The following ATG10 variants were observed in gnomAD, a reference collection of about 807,000 sequenced individuals.
ATG10 encodes autophagy related 10.
In ATG10, 30 loss-of-function variants were observed where a neutral mutation model predicts 32.1. The observed-to-expected ratio is 0.94, with a 90% CI of 0.70 to 1.27. The LOEUF is 1.27. Ranked by LOEUF, ATG10 falls within the 50% of genes most tolerant of loss-of-function variation. ATG10 has a pLI of 0.00. For synonymous variants in ATG10, 87 were observed against 91.5 expected, an observed-to-expected ratio of 0.95 and a Z score of 0.28; for missense variants, 233 against 262.3, an observed-to-expected ratio of 0.89 and a Z score of 0.77.
At chr5:81,984,245 C>T (rs774187177) in intron 1 of ATG10, among the ~76,000 whole-genome samples, 221 of 152,314 alleles carry the variant, frequency 1.5e-3, no homozygotes, top group Non-Finnish European at 2.4e-3. Context: ...GCCAACACAG[C>T]GAAACCCCGT....
intron 5 of ATG10, among the ~76,000 whole-genome samples, chr5:82,203,438 T>C (rs1745153401): frequency 6.6e-6 from 1 of 152,202 alleles, no homozygotes; most frequent in African/African-American, 2.4e-5. Context: ...TCCAGTCTGC[T>C]ACTATCGTTA....
chr5:82,007,656 A>G (rs1762020929), intron 2 of ATG10, among the ~76,000 whole-genome samples: 1 of 151,970 alleles, frequency 6.6e-6, no homozygotes, highest in African/African-American at 2.4e-5. Context: ...GTCTCACTGT[A>G]TTGCCCATGC....
chr5:81,990,322 T>C (rs2149670825), intron 2 of ATG10, among the ~76,000 whole-genome samples: 1 of 152,184 alleles, frequency 6.6e-6, no homozygotes, highest in East Asian at 1.9e-4. Context: ...TTTTCACCAG[T>C]TTTTTTTCTT....
At chr5:81,985,951 G>A (rs1349739664) in intron 1 of ATG10, among the ~76,000 whole-genome samples, 1 of 152,078 alleles carries the variant, frequency 6.6e-6, no homozygotes. Flanking sequence ...TTTTAGTAGC[G>A]ACGGGGTTTC....
At chr5:82,028,740 T>A (rs2149713343) in intron 2 of ATG10, among the ~76,000 whole-genome samples, 1 of 152,358 alleles carries the variant, frequency 6.6e-6, no homozygotes, top group African/African-American at 2.4e-5. Context: ...GGAACTTTTT[T>A]GGTAGACAGT....
At chr5:82,069,744 T>G (rs995937938) in intron 3 of ATG10, among the ~76,000 whole-genome samples, 2 of 152,188 alleles carry the variant, frequency 1.3e-5, no homozygotes, top group East Asian at 3.8e-4. Context: ...GTTTATTATC[T>G]ATTTTATTAA....
intron 2 of ATG10, 32 bp downstream of exon 2, chr5:81,987,710 A>C: frequency 2.0e-6 from 3 of 1,538,126 alleles, no homozygotes; most frequent in South Asian, 2.4e-5. Flanking sequence ...TTCTGTCTCA[A>C]AAGAGGATTT....
intron 5 of ATG10, among the ~76,000 whole-genome samples, chr5:82,221,038 T>A (rs1745905654): frequency 6.6e-6 from 1 of 152,234 alleles, no homozygotes; most frequent in Non-Finnish European, 1.5e-5. Flanking sequence ...ATGACAGGCA[T>A]GAGCCACTGT....
intron 2 of ATG10, among the ~76,000 whole-genome samples, chr5:82,034,549 C>T (rs1260404917): frequency 2.0e-5 from 3 of 152,278 alleles, no homozygotes; most frequent in East Asian, 1.9e-4. Flanking sequence ...AAAAACCTTC[C>T]GGTGACTTCC....
rs546239476 is a variant in ATG10, at chr5:82,017,155, CT to C, written c.108+29490del. ...AAGCATATTCCTAAGTATTTTATCTCTTTTTTTTTTTTTGCGGCTATTGTAA... is the reference window on the plus strand; with the variant it reads ...AAGCATATTCCTAAGTATTTTATCTCTTTTTTTTTTTTGCGGCTATTGTAA... On this transcript the variant is annotated intron_variant, in intron 2 of 7. Transcript: ENST00000282185. Among the ~76,000 whole-genome samples, 842 of 141,096 alleles carry C rather than the reference CT, an allele frequency of 6.0e-3. 5 individuals are homozygous for C. The highest frequency in any genetic ancestry group is 8.8e-3 in the Non-Finnish European group (562 of 64,186). The allele number at this position is 141,096 out of a possible 152,430, so 92.6% of individuals were successfully genotyped here. A position where few individuals can be genotyped will look rare whatever the true frequency, so the allele number is the denominator to read the frequency against.
intron 2 of ATG10, among the ~76,000 whole-genome samples, chr5:81,990,438 G>A (rs908272001): frequency 7.2e-5 from 11 of 152,158 alleles, no homozygotes; most frequent in Non-Finnish European, 1.6e-4. Flanking sequence ...GGAAGGAGCT[G>A]GGACTGTGTA....
chr5:82,205,292 A>G (rs1373053654), intron 5 of ATG10, among the ~76,000 whole-genome samples: 3 of 152,194 alleles, frequency 2.0e-5, no homozygotes, highest in Non-Finnish European at 2.9e-5. Context: ...GACAGAGAAT[A>G]AATATTTTTT....
At chr5:82,004,364 A>G (rs780060375) in intron 2 of ATG10, among the ~76,000 whole-genome samples, 7 of 152,322 alleles carry the variant, frequency 4.6e-5, no homozygotes, top group Non-Finnish European at 8.8e-5. Flanking sequence ...AACATGAATC[A>G]CAGAGTACCC....
At chr5:82,188,146 T>C (rs1199285126) in intron 5 of ATG10, among the ~76,000 whole-genome samples, 1 of 152,228 alleles carries the variant, frequency 6.6e-6, no homozygotes, top group East Asian at 1.9e-4. Flanking sequence ...TTAAGATATA[T>C]AGCTAAACAG....
chr5:82,217,466 G>A (rs1024645876), intron 5 of ATG10, among the ~76,000 whole-genome samples: 1 of 151,902 alleles, frequency 6.6e-6, no homozygotes, highest in Non-Finnish European at 1.5e-5. Flanking sequence ...TTCTTATAAG[G>A]TATAAATGCA....
intron 1 of ATG10, among the ~76,000 whole-genome samples, chr5:81,986,029 G>T (rs1462954975): frequency 2.0e-5 from 3 of 152,016 alleles, no homozygotes; most frequent in African/African-American, 7.3e-5. Flanking sequence ...TCCCCAAAGT[G>T]CTGGGATTAC....
chr5:82,100,869 T>G (rs145897290), intron 3 of ATG10, among the ~76,000 whole-genome samples: 100 of 147,794 alleles, frequency 6.8e-4, no homozygotes, highest in Middle Eastern at 7.2e-3. Context: ...GCTGTCTTGG[T>G]ATGGGGTAAA....
chr5:81,973,621 T>C (rs1207191767), intron 1 of ATG10, among the ~76,000 whole-genome samples: 1 of 152,236 alleles, frequency 6.6e-6, no homozygotes, highest in Non-Finnish European at 1.5e-5. Flanking sequence ...CTCTATTCTT[T>C]AGTGGCAAAA....
intron 3 of ATG10, among the ~76,000 whole-genome samples, chr5:82,130,348 C>T (rs149143124): frequency 0.011 from 1,687 of 151,928 alleles, 18 homozygotes; most frequent in Middle Eastern, 0.031. Flanking sequence ...TTCAGGGGAG[C>T]GAATGGTTCT....
Sources: gnomAD v4.1 joint callset for allele counts (sites outside exome capture counted in the v4.1 genomes callset) on GRCh38, gnomAD v4.1.1 for gene constraint, MANE v1.5 for transcripts, NCBI Gene and HGNC (gene_info 2026-07-23, HGNC 2026-07-21) for gene names.